GALNT13: variants seen among roughly 807,000 people sequenced by gnomAD.
The protein encoded by GALNT13 is polypeptide N-acetylgalactosaminyltransferase 13, also known as UDP-GalNAc:polypeptide N-acetylgalactosaminyltransferase 13.
In GALNT13, 28 loss-of-function variants were observed where a neutral mutation model predicts 64.2. The ratio of observed to expected loss-of-function variants is 0.44; its 90% CI spans 0.32 to 0.60. The LOEUF (loss-of-function observed/expected upper bound fraction) is 0.60, where lower values mean the gene tolerates loss of function less well. Among genes scored for constraint, GALNT13 ranks in the 20% least tolerant of loss-of-function variants. GALNT13 has a pLI of 0.05. For synonymous variants in GALNT13, 214 were observed against 224.6 expected, an observed-to-expected ratio of 0.95 and a Z score of 0.42; for missense variants, 577 against 669.8, an observed-to-expected ratio of 0.86 and a Z score of 1.53.
At chr2:153,289,073 A>G in the GALNT13 span, among the ~76,000 whole-genome samples, 1 of 152,074 alleles carries the variant, frequency 6.6e-6, no homozygotes. Flanking sequence ...TACTCTCTGG[A>G]TTTCTTTTTA....
the GALNT13 span, among the ~76,000 whole-genome samples, chr2:153,498,795 C>T: frequency 6.6e-6 from 1 of 152,168 alleles, no homozygotes; most frequent in South Asian, 2.1e-4. Context: ...GGGTGTGTTT[C>T]AGCCCTGTTT....
At chr2:154,128,637 A>G (rs1020776170) in intron 3 of GALNT13, among the ~76,000 whole-genome samples, 1 of 152,134 alleles carries the variant, frequency 6.6e-6, no homozygotes, top group African/African-American at 2.4e-5. Context: ...ATAAGGGGTG[A>G]TGGTAGGAGG....
the GALNT13 span, among the ~76,000 whole-genome samples, chr2:153,369,932 A>T: frequency 2.0e-5 from 3 of 152,276 alleles, 1 homozygote; most frequent in Admixed American, 2.0e-4. Context: ...TGTCCATGTA[A>T]GCCAGCCTCC....
chr2:154,361,429 A>G (rs1271566643), intron 9 of GALNT13, among the ~76,000 whole-genome samples: 3 of 152,084 alleles, frequency 2.0e-5, no homozygotes, highest in African/African-American at 7.2e-5. Context: ...AACCTTTTGG[A>G]GTGATCTTAT....
intron 2 of GALNT13, among the ~76,000 whole-genome samples, chr2:153,920,265 G>A (rs1365684336): frequency 6.6e-6 from 1 of 151,878 alleles, no homozygotes; most frequent in East Asian, 1.9e-4. Flanking sequence ...AAACAGGATG[G>A]TACTGGTACA....
chr2:153,529,600 A>G, the GALNT13 span, among the ~76,000 whole-genome samples: 1 of 152,120 alleles, frequency 6.6e-6, no homozygotes, highest in South Asian at 2.1e-4. Flanking sequence ...CTAGACAAAG[A>G]CACATTAAAA....
At chr2:153,487,587 T>C in the GALNT13 span, among the ~76,000 whole-genome samples, 3 of 152,184 alleles carry the variant, frequency 2.0e-5, no homozygotes, top group South Asian at 4.1e-4. Flanking sequence ...TATGGTAGCC[T>C]GTGATAAATT....
At chr2:153,440,060 G>C in the GALNT13 span, among the ~76,000 whole-genome samples, 1 of 152,076 alleles carries the variant, frequency 6.6e-6, no homozygotes, top group Non-Finnish European at 1.5e-5. Context: ...CCATCAACCC[G>C]TCATCTACAT....
chr2:154,342,299 T>C (rs1695813521), intron 9 of GALNT13, among the ~76,000 whole-genome samples: 1 of 151,990 alleles, frequency 6.6e-6, no homozygotes, highest in Admixed American at 6.6e-5. Context: ...ATACTAACAA[T>C]AAAAGAGTTA....
intron 8 of GALNT13, chr2:154,287,464 CA>C (rs1692336996): frequency 2.6e-6 from 1 of 383,838 alleles, no homozygotes; most frequent in Non-Finnish European, 5.0e-6. Flanking sequence ...CCAACTAGGC[CA>C]CAGCCCAGTG....
chr2:153,166,044 G>A, the GALNT13 span, among the ~76,000 whole-genome samples: 1 of 152,102 alleles, frequency 6.6e-6, no homozygotes, highest in African/African-American at 2.4e-5. Flanking sequence ...AACATTCTTG[G>A]CCATGTTTTT....
chr2:154,334,035 T>C (rs1006082331), intron 9 of GALNT13, among the ~76,000 whole-genome samples: 1 of 151,924 alleles, frequency 6.6e-6, no homozygotes, highest in Admixed American at 6.6e-5. Context: ...GGCAGTCGTT[T>C]ATATTCCTTT....
the GALNT13 span, among the ~76,000 whole-genome samples, chr2:153,637,560 A>G: frequency 6.6e-6 from 1 of 152,192 alleles, no homozygotes; most frequent in Non-Finnish European, 1.5e-5. Flanking sequence ...AAAAGAGAAC[A>G]CAGGGAGGAG....
intron 9 of GALNT13, among the ~76,000 whole-genome samples, chr2:154,383,184 T>C (rs1320786880): frequency 2.6e-5 from 4 of 151,966 alleles, no homozygotes; most frequent in African/African-American, 9.7e-5. Context: ...ACTCTTCTGT[T>C]AGGAGATGAT....
the GALNT13 span, among the ~76,000 whole-genome samples, chr2:153,089,013 TG>T: frequency 1.4e-4 from 21 of 152,314 alleles, no homozygotes; most frequent in Admixed American, 3.3e-4. Flanking sequence ...TTTGTTATGC[TG>T]GTTGTTGCCT....
At chr2:154,066,919 C>G (rs897961875) in intron 3 of GALNT13, among the ~76,000 whole-genome samples, 7 of 151,868 alleles carry the variant, frequency 4.6e-5, no homozygotes, top group Admixed American at 2.0e-4. Flanking sequence ...AAAGTAATAA[C>G]AACAACTTTC....
intron 9 of GALNT13, among the ~76,000 whole-genome samples, chr2:154,331,638 CAGA>C (rs762396360): frequency 1.3e-5 from 2 of 151,896 alleles, no homozygotes; most frequent in Non-Finnish European, 2.9e-5. Flanking sequence ...GGAGTTAGTT[CAGA>C]AGAAGGTAAA....
chr2:153,827,276 C>G, the GALNT13 span, among the ~76,000 whole-genome samples: 44 of 152,098 alleles, frequency 2.9e-4, no homozygotes, highest in Non-Finnish European at 5.3e-4. Context: ...AATTACACCC[C>G]ACTGGGTTCC....
the GALNT13 span, among the ~76,000 whole-genome samples, chr2:153,304,962 T>C: frequency 6.6e-6 from 1 of 152,178 alleles, no homozygotes; most frequent in Non-Finnish European, 1.5e-5. Context: ...GGGTATAGGC[T>C]GAAACATTTT....
Sources: allele counts gnomAD v4.1 joint callset (sites outside exome capture counted in the v4.1 genomes callset), GRCh38; gene constraint gnomAD v4.1.1; transcripts MANE v1.5; gene names NCBI Gene and HGNC (gene_info 2026-07-23, HGNC 2026-07-21).